Variants in S100A11 observed in about 807,000 individuals in gnomAD.
The protein encoded by S100A11 is protein S100-A11.
S100A11 carries 5 observed loss-of-function variants against 7.4 expected under a neutral mutation model. The observed-to-expected ratio is 0.68, with a 90% CI of 0.35 to 1.42. The LOEUF is 1.42. Among genes scored for constraint, S100A11 ranks in the 40% most tolerant of loss-of-function variants. S100A11 has a pLI of 0.04. For synonymous variants in S100A11, 47 were observed against 46.6 expected, an observed-to-expected ratio of 1.01 and a Z score of -0.04; for missense variants, 96 against 125.0, an observed-to-expected ratio of 0.77 and a Z score of 1.11.
At chr1:152,035,956 G>C (rs1239823982) in intron 1 of S100A11, among the ~76,000 whole-genome samples, 1 of 152,212 alleles carries the variant, frequency 6.6e-6, no homozygotes, top group Non-Finnish European at 1.5e-5. Flanking sequence ...GCTGTAGCAG[G>C]ACTGCAACCC....
At chr1:152,035,943 C>T (rs1266294020) in intron 1 of S100A11, among the ~76,000 whole-genome samples, 1 of 152,176 alleles carries the variant, frequency 6.6e-6, no homozygotes, top group Non-Finnish European at 1.5e-5. Flanking sequence ...GCTTTCTGTC[C>T]CTGCTGTAGC....
Position 152,033,766 on chromosome 1 carries a change from C to T in S100A11, c.38G>A (p.Cys13Tyr), listed in dbSNP as rs200800660. The change falls in exon 2 of 3, where the codon TGC becomes TAC. Residue 13 changes from cysteine (C) to tyrosine (Y), a missense_variant. Coordinates refer to ENST00000271638, the MANE Select transcript of S100A11 (RefSeq NM_005620.2). This position sits in a 1 kb window ranked among gnomAD's most constrained non-coding sequence, Gnocchi z 4.0. ...KISSPTETER[C>Y]IESLIAVFQK... ...GAAGACAGCAATCAGGGACTCGATG[C>T]ACCGCTCAGTCTCTGTAGGGCTGGA... is the stretch of plus-strand genomic sequence containing the variant. 7 of 1,613,786 alleles carry T rather than the reference C, an allele frequency of 4.3e-6. No homozygotes were observed. The African/African-American group carries it at 5.3e-5, about 12-fold the overall frequency.
rs374719393 is a variant in S100A11, at chr1:152,036,764, C to T, written c.3+149G>A. 3.8e-4 allele frequency: 268 copies of T among 713,460 alleles called. 1 individual carries two copies. Among genetic ancestry groups the T allele is most frequent in the Middle Eastern group, 3.4e-3 (14 of 4,164 alleles). 44.2% of individuals were successfully genotyped at this position (713,460 alleles called of 1,614,324 possible). A position where few individuals can be genotyped will look rare whatever the true frequency, so the allele number is the denominator to read the frequency against. On this transcript the variant is annotated intron_variant, in intron 1 of 2. Transcript: ENST00000271638. The stretch of plus-strand genomic sequence containing the variant: ...CTTCATCCTTCCATCCCTTCTTCCC[C>T]AGTTCCCTCCCACGAGGCTGATTTT...
chr1:152,033,902 TA>T lies in S100A11; in HGVS notation c.4-103del. 1 of 1,049,322 alleles carries T rather than the reference TA, an allele frequency of 9.5e-7. No individual in the cohort carries two copies. Among genetic ancestry groups the T allele is most frequent in the South Asian group, 1.4e-5 (1 of 72,514 alleles). The allele number at this position is 1,049,322 out of a possible 1,614,324, so 65.0% of individuals were successfully genotyped here. ...CTTATTTCAGGTCAAAGCAGTTTCCTAAAAGACTGAGTCATTTTTTCAAGGG... is the reference window on the plus strand; with the variant it reads ...CTTATTTCAGGTCAAAGCAGTTTCCTAAAGACTGAGTCATTTTTTCAAGGG... On this transcript the variant is annotated intron_variant, in intron 1 of 2. Transcript: ENST00000271638. This position sits in a 1 kb window ranked among gnomAD's most constrained non-coding sequence, Gnocchi z 4.0.
At chr1:152,035,166 G>A (rs1656808977) in intron 1 of S100A11, among the ~76,000 whole-genome samples, 1 of 152,146 alleles carries the variant, frequency 6.6e-6, no homozygotes, top group Non-Finnish European at 1.5e-5. Context: ...GTAGGTTCAG[G>A]GGCCTTTAGG....
At position 152,032,771 on chromosome 1, in the gene S100A11, T is replaced by C; in HGVS notation, c.209A>G (p.Asn70Ser). Residue 70 changes from asparagine (N) to serine (S), a missense_variant, in exon 3 of 3, where the codon AAC becomes AGC. Physicochemically the swap from Asn to Ser is conservative, Grantham distance 46. Coordinates refer to ENST00000271638, the MANE Select transcript of S100A11 (RefSeq NM_005620.2). The part of the protein sequence containing the change: ...LDRMMKKLDT[N>S]SDGQLDFSEF... ...TGAGAAATCTAGCTGACCATCACTGTTGGTGTCCAGTTTCTTCATCATGCG... is the reference window on the plus strand; with the variant it reads ...TGAGAAATCTAGCTGACCATCACTGCTGGTGTCCAGTTTCTTCATCATGCG... 6.2e-7 allele frequency: 1 copy of C among 1,613,990 alleles called. No individual in the cohort carries two copies.
intron 2 of S100A11, 115 bp from the exon 3 acceptor site, chr1:152,032,938 T>A: frequency 6.0e-6 from 5 of 828,806 alleles, no homozygotes; most frequent in Non-Finnish European, 9.4e-6. Flanking sequence ...ATTATTAATA[T>A]TCCCATTTGC....
rs1222576732 is a variant in S100A11, at chr1:152,033,381, A to G, written c.156+267T>C. On this transcript the variant is annotated intron_variant, in intron 2 of 2. Transcript: ENST00000271638. The surrounding 1 kb of genome is among the most constrained non-coding windows in gnomAD (Gnocchi z 4.0). ...GTTGGATAGAGCAGATATAGAATGT[A>G]TTTCCACCACTGCAGAAAGTTCTAC... Among the ~76,000 whole-genome samples, 6 of 152,254 alleles carry G rather than the reference A, an allele frequency of 3.9e-5. No homozygotes were observed. Among genetic ancestry groups the G allele is most frequent in the Non-Finnish European group, 8.8e-5 (6 of 68,042 alleles).
chr1:152,032,583 G>A lies in S100A11; in HGVS notation c.*79C>T. The A allele has an allele frequency of 7.4e-7, 1 of 1,349,974 alleles. No individual in the cohort carries two copies. 83.6% of individuals were successfully genotyped at this position (1,349,974 alleles called of 1,614,324 possible). A position where few individuals can be genotyped will look rare whatever the true frequency, so the allele number is the denominator to read the frequency against. Reference sequence around the variant, plus strand: ...GCATGAGGTGGTTAGTGTGCTCAGGGGATGGGTGGGCTGTGGAGATGATGA... The same window carrying A: ...GCATGAGGTGGTTAGTGTGCTCAGGAGATGGGTGGGCTGTGGAGATGATGA... On this transcript the variant is annotated 3_prime_UTR_variant, in exon 3 of 3. Coordinates refer to ENST00000271638, the MANE Select transcript of S100A11 (RefSeq NM_005620.2).
chr1:152,035,826 T>C (rs928899677), intron 1 of S100A11, among the ~76,000 whole-genome samples: 1 of 152,208 alleles, frequency 6.6e-6, no homozygotes. Flanking sequence ...TAAAAATGCA[T>C]GCTAAGCGCT....
chr1:152,035,387 GCAGA>G (rs1352825540), intron 1 of S100A11, among the ~76,000 whole-genome samples: 11 of 152,138 alleles, frequency 7.2e-5, no homozygotes, highest in African/African-American at 2.4e-4. Flanking sequence ...CTTCCAGAAT[GCAGA>G]CAGTTTTGCT....
intron 2 of S100A11, 116 bp from the exon 3 acceptor site, chr1:152,032,939 T>A: frequency 1.2e-6 from 1 of 835,106 alleles, no homozygotes; most frequent in South Asian, 1.9e-5. Context: ...TTATTAATAT[T>A]CCCATTTGCC....
chr1:152,036,879 A>T (rs748787520), intron 1 of S100A11, 34 bp downstream of exon 1: 2 of 1,572,958 alleles, frequency 1.3e-6, no homozygotes, highest in East Asian at 2.2e-5. Context: ...TTTTCTTTTC[A>T]TGTAAGAAGA....
chr1:152,033,624 A>C lies in S100A11; in HGVS notation c.156+24T>G, dbSNP rs1393255338. 1.9e-6 allele frequency: 3 copies of C among 1,608,406 alleles called. No individual in the cohort carries two copies. Among genetic ancestry groups the C allele is most frequent in the Non-Finnish European group, 2.5e-6 (3 of 1,176,734 alleles). On this transcript the variant is annotated intron_variant, in intron 2 of 2. Coordinates refer to ENST00000271638, the MANE Select transcript of S100A11 (RefSeq NM_005620.2). The surrounding 1 kb of genome is among the most constrained non-coding windows in gnomAD (Gnocchi z 4.0). ...TTTCATGTTGTGGGTAGTTTGGGGA[A>C]GTGGGGGAGACAGGGACCAGTACCT... is the stretch of plus-strand genomic sequence containing the variant.
Position 152,033,481 on chromosome 1 carries a change from T to G in S100A11, c.156+167A>C, listed in dbSNP as rs186610384. Among the ~76,000 whole-genome samples the G allele has an allele frequency of 1.9e-4, 29 of 152,334 alleles. No homozygotes were observed. In the East Asian group the frequency reaches 2.3e-3, roughly 12 times the overall value. On this transcript the variant is annotated intron_variant, in intron 2 of 2. Transcript: ENST00000271638. The surrounding 1 kb of genome is among the most constrained non-coding windows in gnomAD (Gnocchi z 4.0). ...ATAATTCCATTACGTCATATACCAT[T>G]TCATATATCTCTCTTCCTAAATGGA...
intron 1 of S100A11, among the ~76,000 whole-genome samples, chr1:152,036,040 C>T (rs1161152028): frequency 1.3e-5 from 2 of 152,198 alleles, no homozygotes; most frequent in Non-Finnish European, 2.9e-5. Flanking sequence ...TTGATTTCCA[C>T]ATAATTTTCA....
Position 152,032,752 on chromosome 1 carries a change from A to G in S100A11, c.228T>C (p.Asp76=), listed in dbSNP as rs1656764339. 6.2e-7 allele frequency: 1 copy of G among 1,613,884 alleles called. No individual in the cohort carries two copies. The highest frequency in any genetic ancestry group is 1.3e-5 in the African/African-American group (1 of 74,944). Reference sequence around the variant, plus strand: ...CAATCAGATTAAGAAATTCTGAGAAATCTAGCTGACCATCACTGTTGGTGT... The same window carrying G: ...CAATCAGATTAAGAAATTCTGAGAAGTCTAGCTGACCATCACTGTTGGTGT... The part of the protein sequence containing the change: ...KLDTNSDGQL[D]FSEFLNLIGG... Residue 76 remains aspartate (D), a synonymous_variant, in exon 3 of 3, where the codon GAT becomes GAC. Coordinates refer to ENST00000271638, the MANE Select transcript of S100A11 (RefSeq NM_005620.2).
At chr1:152,035,665 A>G (rs1439372497) in intron 1 of S100A11, among the ~76,000 whole-genome samples, 7 of 152,196 alleles carry the variant, frequency 4.6e-5, no homozygotes, top group Admixed American at 3.3e-4. Flanking sequence ...ACGCCCAGAA[A>G]CCGGAAAGCT....
Position 152,033,580 on chromosome 1 carries a change from C to A in S100A11, c.156+68G>T, listed in dbSNP as rs76540876. 1,204 of 1,479,324 alleles carry A rather than the reference C, an allele frequency of 8.1e-4. 28 individuals are homozygous for A. The East Asian group carries it at 0.017, about 21-fold the overall frequency. 91.6% of individuals were successfully genotyped at this position (1,479,324 alleles called of 1,614,324 possible). A position where few individuals can be genotyped will look rare whatever the true frequency, so the allele number is the denominator to read the frequency against. On this transcript the variant is annotated intron_variant, in intron 2 of 2. Transcript: ENST00000271638. The surrounding 1 kb of genome is among the most constrained non-coding windows in gnomAD (Gnocchi z 4.0). ...TCAGTTGCTGCTCCTTCATTCCTGG[C>A]CATTCTGCCAGGGTCTTGTTTCATG...
Sources: gnomAD v4.1 joint callset for allele counts (sites outside exome capture counted in the v4.1 genomes callset) on GRCh38, gnomAD v4.1.1 for gene constraint, Gnocchi (gnomAD v3.1) non-coding constraint, MANE v1.5 for transcripts, NCBI Gene and HGNC (gene_info 2026-07-23, HGNC 2026-07-21) for gene names.